Variants in MLLT10 observed in about 807,000 individuals in gnomAD.
The protein encoded by MLLT10 is protein AF-10.
A neutral mutation model predicts 129.1 loss-of-function variants in MLLT10; 30 were observed. The ratio of observed to expected loss-of-function variants is 0.23; its 90% CI spans 0.17 to 0.32. The LOEUF (loss-of-function observed/expected upper bound fraction) is 0.32. Among genes scored for constraint, MLLT10 ranks in the 10% least tolerant of loss-of-function variants. The pLI is 1.00. For synonymous variants in MLLT10, 490 were observed against 446.4 expected (o/e 1.10, Z -1.23); for missense variants, 1,119 against 1,268.3 (o/e 0.88, Z 1.79).
chr10:21,712,650 C>G (rs2056208216), intron 13 of MLLT10, among the ~76,000 whole-genome samples: 1 of 152,206 alleles, frequency 6.6e-6, no homozygotes, highest in East Asian at 1.9e-4. Context: ...GGCCTCCACA[C>G]TATTAACACT....
intron 3 of MLLT10, among the ~76,000 whole-genome samples, chr10:21,579,837 A>G (rs1379022752): frequency 6.6e-6 from 1 of 152,068 alleles, no homozygotes. Flanking sequence ...TGCTGGGATT[A>G]CAGGTGTGAG....
rs1325428623 is a variant in MLLT10, at chr10:21,726,437, A to G, written c.1990+82A>G. 9.5e-6 allele frequency: 9 copies of G among 949,592 alleles called. 1 individual carries two copies. In the Middle Eastern group the frequency reaches 1.1e-3, roughly 113 times the overall value. The allele number at this position is 949,592 out of a possible 1,614,324, so 58.8% of individuals were successfully genotyped here. On this transcript the variant is annotated intron_variant, in intron 15 of 22. Coordinates refer to ENST00000307729, the MANE Select transcript of MLLT10 (RefSeq NM_001195626.3). ...TTCCCCTTTTGGTTCATTTTATTTG[A>G]AAACATGCAGGGATGTGGTTAGTAG...
chr10:21,565,794 C>T (rs2039474032), intron 3 of MLLT10, among the ~76,000 whole-genome samples: 1 of 151,314 alleles, frequency 6.6e-6, no homozygotes, highest in Non-Finnish European at 1.5e-5. Context: ...TTTGTAGGGA[C>T]CAAGTCTTGT....
intron 3 of MLLT10, among the ~76,000 whole-genome samples, chr10:21,559,233 G>T (rs540921123): frequency 6.6e-6 from 1 of 152,132 alleles, no homozygotes; most frequent in Non-Finnish European, 1.5e-5. Flanking sequence ...ACAGGCATCC[G>T]CCACCACGCC....
rs189556151 is a variant in MLLT10, at chr10:21,674,390, C to T, written c.1621+471C>T. On this transcript the variant is annotated intron_variant, in intron 11 of 22. Transcript: ENST00000307729. ...ACAGATACTACTTGAATTACCCTAT[C>T]CTGAGACATTTTTATATCAGTGATA... 8.5e-4 allele frequency among the ~76,000 whole-genome samples: 129 copies of T among 152,160 alleles called. 1 individual carries two copies. In the Middle Eastern group the frequency reaches 0.017, roughly 20 times the overall value.
In MLLT10 at chr10:21,577,972, G is replaced by A. The variant is rs1015886810; in HGVS notation, c.241-8322G>A. On this transcript the variant is annotated intron_variant, in intron 3 of 22. Coordinates refer to ENST00000307729, the MANE Select transcript of MLLT10 (RefSeq NM_001195626.3). Reference sequence around the variant, plus strand: ...ACAGTGGTGTGATATCTTGGCTCACGGCAACCTCTGCCTCCCGGGTTCAAG... The same window carrying A: ...ACAGTGGTGTGATATCTTGGCTCACAGCAACCTCTGCCTCCCGGGTTCAAG... Among the ~76,000 whole-genome samples the A allele has an allele frequency of 1.2e-4, 18 of 151,468 alleles. No individual in the cohort carries two copies. In the South Asian group the frequency reaches 2.5e-3, roughly 21 times the overall value.
chr10:21,625,414 C>T (rs2046335179), intron 8 of MLLT10: 1 of 835,568 alleles, frequency 1.2e-6, no homozygotes, highest in African/African-American at 1.7e-5. Context: ...CGTCTGTGCC[C>T]AAGTTTCTCA....
At chr10:21,592,101 G>C (rs1222470282) in intron 4 of MLLT10, among the ~76,000 whole-genome samples, 2 of 152,018 alleles carry the variant, frequency 1.3e-5, no homozygotes, top group Admixed American at 1.3e-4. Context: ...CTTTGTTATA[G>C]TTTTATAGGA....
chr10:21,564,113 A>G (rs1484282772), intron 3 of MLLT10, among the ~76,000 whole-genome samples: 1 of 151,758 alleles, frequency 6.6e-6, no homozygotes, highest in Admixed American at 6.6e-5. Flanking sequence ...TGCCCGGCCT[A>G]TTATTATTAT....
rs2041996716 is a variant in MLLT10 at position 21,586,469 on chromosome 10, CAGT to C, written c.295+122_295+124del. On this transcript the variant is annotated intron_variant, in intron 4 of 22. Transcript: ENST00000307729. ...AACAGCGTTTTCTACTCATTTTTAACAGTGGTGGCTATAATTTATAAATCCTTA... is the reference window on the plus strand; with the variant it reads ...AACAGCGTTTTCTACTCATTTTTAACGGTGGCTATAATTTATAAATCCTTA... 3 of 798,846 alleles carry C rather than the reference CAGT, an allele frequency of 3.8e-6. No individual in the cohort carries two copies. In the East Asian group the frequency reaches 8.1e-5, roughly 22 times the overall value. The allele number at this position is 798,846 out of a possible 1,614,324, so 49.5% of individuals were successfully genotyped here. A position where few individuals can be genotyped will look rare whatever the true frequency, so the allele number is the denominator to read the frequency against.
In MLLT10 at chr10:21,534,752, G is replaced by C; in HGVS notation, c.108G>C (p.Glu36Asp). 3.1e-6 allele frequency: 5 copies of C among 1,613,100 alleles called. No homozygotes were observed. The highest frequency in any genetic ancestry group is 3.4e-6 in the Non-Finnish European group (4 of 1,179,366). ...CVCSDERGWA[E>D]NPLVYCDGHG... ...GCTCAGACGAGAGAGGCTGGGCCGA[G>C]AACCCGCTGGTTTATTGCGACGGGC... is the stretch of plus-strand genomic sequence containing the variant. Residue 36 changes from glutamate to aspartate, a missense_variant, in exon 2 of 23, where the codon GAG (glutamate) becomes GAC (aspartate). Around this residue, in one of 5 missense-constraint regions of MLLT10, gnomAD observed 33 missense variants for 76.9 expected, o/e 0.43. Coordinates refer to ENST00000307729, the MANE Select transcript of MLLT10 (RefSeq NM_001195626.3).
chr10:21,587,083 T>A (rs1283958392), intron 4 of MLLT10, among the ~76,000 whole-genome samples: 1 of 151,682 alleles, frequency 6.6e-6, no homozygotes, highest in East Asian at 1.9e-4. Context: ...TCTGAAGATC[T>A]TTGTTGCTTG....
intron 15 of MLLT10, among the ~76,000 whole-genome samples, chr10:21,727,151 C>G (rs1388744023): frequency 6.6e-6 from 1 of 151,896 alleles, no homozygotes; most frequent in Non-Finnish European, 1.5e-5. Context: ...TTACCTGACT[C>G]AGAATAAGGG....
intron 14 of MLLT10, among the ~76,000 whole-genome samples, chr10:21,717,530 C>T (rs1289812133): frequency 1.6e-3 from 200 of 122,790 alleles, no homozygotes; most frequent in African/African-American, 5.7e-3. Context: ...CCTCCTCCTC[C>T]TCCTCCTCCT....
chr10:21,734,975 A>G (rs1283004120), intron 20 of MLLT10, among the ~76,000 whole-genome samples, 164 bp from the exon 21 acceptor site: 1 of 152,044 alleles, frequency 6.6e-6, no homozygotes, highest in Non-Finnish European at 1.5e-5. Flanking sequence ...GTATATAAAC[A>G]TACATATATA....
At chr10:21,621,403 C>T (rs1254280843) in intron 8 of MLLT10, among the ~76,000 whole-genome samples, 2 of 150,152 alleles carry the variant, frequency 1.3e-5, no homozygotes, top group East Asian at 2.0e-4. Flanking sequence ...CGCCAACACG[C>T]CCGGCTAATT....
At chr10:21,537,284 T>G (rs1312754869) in intron 2 of MLLT10, among the ~76,000 whole-genome samples, 1 of 152,080 alleles carries the variant, frequency 6.6e-6, no homozygotes, top group African/African-American at 2.4e-5. Context: ...GTTTTGTGAA[T>G]TTATATTCTT....
At chr10:21,561,229 T>C (rs1241148931) in intron 3 of MLLT10, among the ~76,000 whole-genome samples, 1 of 152,136 alleles carries the variant, frequency 6.6e-6, no homozygotes, top group Non-Finnish European at 1.5e-5. Flanking sequence ...TTTCTATAGT[T>C]GTTGCTCTTT....
intron 8 of MLLT10, among the ~76,000 whole-genome samples, chr10:21,649,381 T>C (rs1038411163): frequency 6.6e-6 from 1 of 152,190 alleles, no homozygotes; most frequent in African/African-American, 2.4e-5. Flanking sequence ...CTGGCCTGTA[T>C]TGTTATTTTG....
Sources: gnomAD v4.1 joint callset for allele counts (sites outside exome capture counted in the v4.1 genomes callset) on GRCh38, gnomAD v4.1.1 for gene constraint, gnomAD v4.1.1 regional missense constraint, MANE v1.5 for transcripts, NCBI Gene and HGNC (gene_info 2026-07-23, HGNC 2026-07-21) for gene names.